Variants in NUP160 observed in about 807,000 individuals in gnomAD.
NUP160 encodes nuclear pore complex protein Nup160.
NUP160 carries 94 observed loss-of-function variants against 196.9 expected under a neutral mutation model. That is an observed-to-expected ratio of 0.48 (90% CI 0.40 to 0.57). NUP160 has a LOEUF of 0.57. Among genes scored for constraint, NUP160 ranks in the 20% least tolerant of loss-of-function variants. The pLI is 0.00. For missense variants in NUP160, 1,638 were observed against 1,748.3 expected, an observed-to-expected ratio of 0.94 and a Z score of 1.13; for synonymous variants, 605 against 619.7, an observed-to-expected ratio of 0.98 and a Z score of 0.35.
chr11:47,795,355 A>G (rs191325058), intron 27 of NUP160, among the ~76,000 whole-genome samples: 2 of 152,340 alleles, frequency 1.3e-5, no homozygotes, highest in East Asian at 3.9e-4. Context: ...ACTGGTACTA[A>G]GCAGGTTGAT....
At chr11:47,822,804 G>A (rs1294639113) in intron 7 of NUP160, among the ~76,000 whole-genome samples, 1 of 152,122 alleles carries the variant, frequency 6.6e-6, no homozygotes, top group African/African-American at 2.4e-5. Flanking sequence ...CCACCTATGA[G>A]TGAGAACACG....
At chr11:47,801,315 G>A (rs962880429) in intron 23 of NUP160, among the ~76,000 whole-genome samples, 1 of 151,892 alleles carries the variant, frequency 6.6e-6, no homozygotes, top group Non-Finnish European at 1.5e-5. Flanking sequence ...ATAGATCCTG[G>A]GAAAAAATTT....
intron 27 of NUP160, among the ~76,000 whole-genome samples, chr11:47,793,379 G>GC (rs930710022): frequency 1.3e-5 from 2 of 151,638 alleles, no homozygotes; most frequent in African/African-American, 2.4e-5. Flanking sequence ...TGTAACCCCT[G>GC]CCCCCCCTCC....
At chr11:47,819,255 G>A in intron 10 of NUP160, 119 bp downstream of exon 10, 2 of 678,228 alleles carry the variant, frequency 2.9e-6, no homozygotes, top group South Asian at 1.8e-5. Context: ...AGAGGTTGCA[G>A]TGAGCCAAGA....
chr11:47,800,299 C>CT (rs958898898), intron 23 of NUP160, among the ~76,000 whole-genome samples: 10 of 150,410 alleles, frequency 6.6e-5, no homozygotes, highest in Admixed American at 2.7e-4. Flanking sequence ...GCACATAATA[C>CT]TTTTTTTTAA....
In NUP160 at chr11:47,822,117, G is replaced by A. The variant is rs374364691; in HGVS notation, c.1149C>T (p.Leu383=). The stretch of plus-strand genomic sequence containing the variant: ...AAGTGAACAGTGAAGAAATATGATC[G>A]AGACTATAGCGATTACTCTCAGTGC... Residue 383 remains leucine, a synonymous_variant, in exon 8 of 36, where the codon CTC becomes CTT. Transcript: ENST00000378460. The A allele has an allele frequency of 1.9e-5, 30 of 1,610,556 alleles. No homozygotes were observed. The African/African-American group carries it at 2.5e-4, about 14-fold the overall frequency.
At chr11:47,841,458 TA>T (rs1852296316) in intron 2 of NUP160, 1 of 415,516 alleles carries the variant, frequency 2.4e-6, no homozygotes, top group Non-Finnish European at 4.6e-6. Context: ...CATTTCTTTT[TA>T]ACAAGGTAGT....
At chr11:47,801,706 A>G in intron 23 of NUP160, 105 bp downstream of exon 23, 2 of 1,077,402 alleles carry the variant, frequency 1.9e-6, no homozygotes, top group Non-Finnish European at 1.3e-6. Flanking sequence ...AAGTTCAGGG[A>G]GCAACTGAAT....
At chr11:47,796,502 T>A in intron 27 of NUP160, 1 of 266,248 alleles carries the variant, frequency 3.8e-6, no homozygotes, top group Non-Finnish European at 7.1e-6. Context: ...TAAATAGATA[T>A]TGAGAGAGAG....
rs191278900 is a variant in NUP160 at position 47,811,941 on chromosome 11, A to G, written c.2241+123T>C. 2.4e-3 allele frequency: 1,825 copies of G among 757,606 alleles called. 3 individuals are homozygous for G. Among genetic ancestry groups the G allele is most frequent in the Middle Eastern group, 9.2e-3 (35 of 3,810 alleles). 46.9% of individuals were successfully genotyped at this position (757,606 alleles called of 1,614,324 possible). On this transcript the variant is annotated intron_variant, in intron 17 of 35. Coordinates refer to ENST00000378460, the Ensembl canonical transcript of NUP160. Reference sequence around the variant, plus strand: ...AGCATCTCATAAGGCCAAGCTTGGGAGAATAAAGCAGTGAACCAAGACAAA... The same window carrying G: ...AGCATCTCATAAGGCCAAGCTTGGGGGAATAAAGCAGTGAACCAAGACAAA...
chr11:47,833,970 C>T (rs993197797), intron 7 of NUP160, among the ~76,000 whole-genome samples: 10 of 152,182 alleles, frequency 6.6e-5, no homozygotes, highest in Non-Finnish European at 2.9e-5. Flanking sequence ...TGTATCTTTT[C>T]ACTGTAATAC....
At chr11:47,835,850 T>C (rs778281454) in intron 6 of NUP160, 41 bp from the exon 7 acceptor site, 2 of 1,471,844 alleles carry the variant, frequency 1.4e-6, no homozygotes, top group South Asian at 1.4e-5. Flanking sequence ...TCAAGGGATA[T>C]TCAGGCTAGA....
At chr11:47,792,522 T>C (rs1306703985) in intron 28 of NUP160, 6 of 336,624 alleles carry the variant, frequency 1.8e-5, no homozygotes, top group East Asian at 1.8e-4. Flanking sequence ...GACAAAAGAT[T>C]AAGTAACTTG....
At chr11:47,788,282 C>A (rs149518749) in exon 31 of NUP160, 24 of 1,613,948 alleles carry the variant, frequency 1.5e-5, no homozygotes, top group Non-Finnish European at 2.0e-5. Flanking sequence ...AAGAGAGTGA[C>A]CATTTCCTCT....
In NUP160 at chr11:47,807,062, C is replaced by G; in HGVS notation, c.2446+8G>C. ...TAAAATGAAATGTGTACATAGTCCACTCCTTACCAAACCTATTTGCCATTA... is the reference window on the plus strand; with the variant it reads ...TAAAATGAAATGTGTACATAGTCCAGTCCTTACCAAACCTATTTGCCATTA... On this transcript the variant is annotated splice_region_variant and intron_variant, in intron 19 of 35. Transcript: ENST00000378460. The G allele has an allele frequency of 6.3e-7, 1 of 1,592,764 alleles. No homozygotes were observed. The highest frequency in any genetic ancestry group is 8.6e-7 in the Non-Finnish European group (1 of 1,160,894).
chr11:47,801,761 G>C, intron 23 of NUP160, 50 bp downstream of exon 23: 1 of 1,526,560 alleles, frequency 6.6e-7, no homozygotes, highest in Non-Finnish European at 8.9e-7. Flanking sequence ...ATGTATTTCA[G>C]ATGTGTTTTT....
At chr11:47,778,299 A>C (rs1233795509) in exon 36 of NUP160, 1 of 152,590 alleles carries the variant, frequency 6.6e-6, no homozygotes, top group Non-Finnish European at 1.5e-5. Context: ...TCACTTTCCC[A>C]AAACTTGTGA....
Position 47,803,363 on chromosome 11 carries a change from C to A in NUP160, c.2775+75G>T, listed in dbSNP as rs1015805791. 2.8e-4 allele frequency: 243 copies of A among 873,062 alleles called. 1 individual carries two copies. The highest frequency in any genetic ancestry group is 6.5e-4 in the Middle Eastern group (3 of 4,602). The allele number at this position is 873,062 out of a possible 1,614,324, so 54.1% of individuals were successfully genotyped here. A position where few individuals can be genotyped will look rare whatever the true frequency, so the allele number is the denominator to read the frequency against. On this transcript the variant is annotated intron_variant, in intron 22 of 35. Transcript: ENST00000378460. ...TTCTATGTCTCCCATCCCCTAAAAC[C>A]TAGTCAAATGGAAGCTAAGCAACTT...
At chr11:47,840,286 T>C (rs1401757708) in intron 3 of NUP160, 92 bp downstream of exon 3, 1 of 1,150,472 alleles carries the variant, frequency 8.7e-7, no homozygotes. Flanking sequence ...AATCCAAATT[T>C]CCTTCAATTC....
Sources: gnomAD v4.1 joint callset for allele counts (sites outside exome capture counted in the v4.1 genomes callset) on GRCh38, gnomAD v4.1.1 for gene constraint, MANE v1.5 for transcripts, NCBI Gene and HGNC (gene_info 2026-07-23, HGNC 2026-07-21) for gene names.